The following WDR37 variants were observed in gnomAD, a reference collection of about 807,000 sequenced individuals.
WDR37 encodes WD repeat domain 37.
In WDR37, 19 loss-of-function variants were observed where a neutral mutation model predicts 62.9. The ratio of observed to expected loss-of-function variants is 0.30; its 90% confidence interval spans 0.21 to 0.44. The LOEUF (loss-of-function observed/expected upper bound fraction) is 0.44, where lower values mean the gene tolerates loss of function less well. Ranked by LOEUF, WDR37 falls within the 20% of genes least tolerant of loss-of-function variation. WDR37 has a pLI of 1.00. For missense variants in WDR37, 474 were observed against 657.6 expected (o/e 0.72, Z 3.05); for synonymous variants, 250 against 260.9 (o/e 0.96, Z 0.40).
intron 11 of WDR37, among the ~76,000 whole-genome samples, chr10:1,118,364 C>T (rs1835468782): frequency 6.7e-6 from 1 of 148,558 alleles, no homozygotes; most frequent in African/African-American, 2.5e-5. Context: ...TCCCTGCACA[C>T]ATCTGAGCCA....
intron 2 of WDR37, among the ~76,000 whole-genome samples, chr10:1,075,837 G>A (rs556736926): frequency 4.6e-5 from 7 of 150,646 alleles, no homozygotes; most frequent in Non-Finnish European, 4.4e-5. Flanking sequence ...GCTAGAGTGC[G>A]GTACTGATCT....
Position 1,121,055 on chromosome 10 carries a change from G to A in WDR37, c.1104-3163G>A, listed in dbSNP as rs1197699372. 1.3e-5 allele frequency among the ~76,000 whole-genome samples: 2 copies of A among 152,236 alleles called. No individual in the cohort carries two copies. Among genetic ancestry groups the A allele is most frequent in the Non-Finnish European group, 2.9e-5 (2 of 68,030 alleles). On this transcript the variant is annotated intron_variant, in intron 11 of 13. Transcript: ENST00000263150. This position sits in a 1 kb window ranked among gnomAD's most constrained non-coding sequence, Gnocchi z 4.5. ...AATGAGTTTGCCGGAGTTTGGCAGC[G>A]TCGGAACCATTTCCAGTGCACGGCC...
chr10:1,059,851 A>G (rs1371763456), intron 1 of WDR37, among the ~76,000 whole-genome samples: 1 of 152,078 alleles, frequency 6.6e-6, no homozygotes, highest in Non-Finnish European at 1.5e-5. Context: ...CTAAGTGTTC[A>G]TTGATGCTGT....
chr10:1,089,626 T>G (rs1834315477), intron 7 of WDR37, among the ~76,000 whole-genome samples: 1 of 151,732 alleles, frequency 6.6e-6, no homozygotes, highest in African/African-American at 2.4e-5. Context: ...AACCTTCCCA[T>G]GCTCACCCAC....
At chr10:1,057,199 G>A (rs1196261213) in intron 1 of WDR37, among the ~76,000 whole-genome samples, 1 of 152,032 alleles carries the variant, frequency 6.6e-6, no homozygotes, top group African/African-American at 2.4e-5. Flanking sequence ...AGGGTTCAGG[G>A]TGCAAGAGAA....
chr10:1,059,228 C>T (rs1471947128), intron 1 of WDR37, among the ~76,000 whole-genome samples: 1 of 151,988 alleles, frequency 6.6e-6, no homozygotes, highest in Non-Finnish European at 1.5e-5. Context: ...ATACAAAAAT[C>T]AGCTGGGCAT....
At chr10:1,057,118 G>A (rs10047269) in intron 1 of WDR37, 150 bp downstream of exon 1, 16,548 of 155,998 alleles carry the variant, frequency 0.11, 1,081 homozygotes, top group African/African-American at 0.19. Context: ...AATGCAGAGG[G>A]TCCGTGGTGG....
Position 1,072,232 on chromosome 10 carries a change from G to A in WDR37, c.77G>A (p.Arg26Gln). The A allele has an allele frequency of 1.9e-6, 3 of 1,614,152 alleles. No individual in the cohort carries two copies. Among genetic ancestry groups the A allele is most frequent in the Non-Finnish European group, 2.5e-6 (3 of 1,180,022 alleles). Residue 26 changes from arginine to glutamine, a missense_variant, in exon 2 of 14, where the codon CGA becomes CAA. Coordinates refer to ENST00000263150, the MANE Select transcript of WDR37 (RefSeq NM_014023.4). ...CGCAAATCCCATAGCCTTTCTATAC[G>A]AAGAACTAACAGCTCGGAGCAGGAG... ...QKRKSHSLSIRRTNSSEQERT... is the reference protein window; with the variant it reads ...QKRKSHSLSIQRTNSSEQERT...
At chr10:1,063,768 A>G (rs1833447829) in intron 1 of WDR37, among the ~76,000 whole-genome samples, 1 of 152,118 alleles carries the variant, frequency 6.6e-6, no homozygotes, top group South Asian at 2.1e-4. Flanking sequence ...TGGTGGTGGG[A>G]GTGGAAGTTC....
chr10:1,109,864 G>A (rs75974852), intron 11 of WDR37, among the ~76,000 whole-genome samples: 175 of 152,330 alleles, frequency 1.1e-3, no homozygotes, highest in Non-Finnish European at 2.1e-3. Context: ...TATGAATACA[G>A]TTTCCTAGGG....
At chr10:1,069,396 T>A (rs1394121744) in intron 1 of WDR37, among the ~76,000 whole-genome samples, 3,148 of 119,286 alleles carry the variant, frequency 0.026, 85 homozygotes, top group Non-Finnish European at 0.032. Context: ...TATATTTTTT[T>A]TTTTTTTTTT....
At chr10:1,113,134 A>C (rs958026511) in intron 11 of WDR37, among the ~76,000 whole-genome samples, 1 of 152,206 alleles carries the variant, frequency 6.6e-6, no homozygotes, top group Non-Finnish European at 1.5e-5. Flanking sequence ...AGTTGAAGCC[A>C]GTGCTCATTT....
chr10:1,129,242 A>T lies in WDR37; in HGVS notation c.1383A>T (p.Ala461=), dbSNP rs145677528. 2 of 1,614,170 alleles carry T rather than the reference A, an allele frequency of 1.2e-6. No homozygotes were observed. The highest frequency in any genetic ancestry group is 4.5e-5 in the East Asian group (2 of 44,888). ...QGHRRMVCCS[A]WSEDHPVCNL... is the part of the protein sequence containing the mutation. The stretch of plus-strand genomic sequence containing the variant: ...ACAGGAGAATGGTATGCTGCTCGGC[A>T]TGGAGTGAAGACCACCCCGTGTGCA... The change falls in exon 14 of 14, where the codon GCA becomes GCT. Residue 461 remains alanine (A), a synonymous_variant. Transcript: ENST00000263150.
intron 8 of WDR37, 55 bp downstream of exon 8, chr10:1,093,551 A>G (rs776169772): frequency 1.2e-4 from 171 of 1,379,112 alleles, no homozygotes; most frequent in Admixed American, 4.0e-4. Context: ...TAAAACAACT[A>G]TAAATATTCC....
Position 1,131,683 on chromosome 10 carries a change from G to GGTGTGTGTGTGTGT in WDR37, c.*2355_*2368dup, listed in dbSNP as rs58548853. On this transcript the variant is annotated 3_prime_UTR_variant, in exon 14 of 14. Transcript: ENST00000263150. ...AGGAGTCACAGACAAGATCGGGGATGGTGTGTGTGTGTGTGTGTGTGTGTG... is the reference window on the plus strand; with the variant it reads ...AGGAGTCACAGACAAGATCGGGGATGGTGTGTGTGTGTGTGTGTGTGTGTGTGTGTGTGTGTGTG... 3.8e-4 allele frequency: 51 copies of GGTGTGTGTGTGTGT among 133,866 alleles called. No individual in the cohort carries two copies. The highest frequency in any genetic ancestry group is 1.3e-3 in the African/African-American group (51 of 40,018). The allele number at this position is 133,866 out of a possible 1,614,324, so 8.3% of individuals were successfully genotyped here.
At chr10:1,089,130 G>C (rs1834298227) in intron 7 of WDR37, among the ~76,000 whole-genome samples, 4 of 152,024 alleles carry the variant, frequency 2.6e-5, no homozygotes, top group Admixed American at 2.6e-4. Flanking sequence ...TCATCTGCCA[G>C]TCCTCTCCGT....
chr10:1,130,862 T>A lies in WDR37; in HGVS notation c.*1518T>A, dbSNP rs1835934868. 6.8e-6 allele frequency: 1 copy of A among 148,000 alleles called. No homozygotes were observed. The highest frequency in any genetic ancestry group is 1.5e-5 in the Non-Finnish European group (1 of 67,638). 9.2% of individuals were successfully genotyped at this position (148,000 alleles called of 1,614,324 possible). A position where few individuals can be genotyped will look rare whatever the true frequency, so the allele number is the denominator to read the frequency against. ...CCTCCCTACTTGGGTCTTCAGGAGC[T>A]GGTCCAAGGAGCTTCGAATCTAAGT... On this transcript the variant is annotated 3_prime_UTR_variant, in exon 14 of 14. Transcript: ENST00000263150.
intron 11 of WDR37, among the ~76,000 whole-genome samples, chr10:1,107,056 C>G (rs562083764): frequency 6.6e-6 from 1 of 152,184 alleles, no homozygotes; most frequent in Middle Eastern, 3.2e-3. Context: ...AGTGGCTGAA[C>G]GCAGCACTGT....
At chr10:1,126,402 T>TCCAC (rs1835776646) in intron 13 of WDR37, among the ~76,000 whole-genome samples, 1 of 127,722 alleles carries the variant, frequency 7.8e-6, no homozygotes, top group Non-Finnish European at 1.6e-5. Context: ...CGAGACTGTG[T>TCCAC]CTCAGAAAAA....
Sources: allele counts gnomAD v4.1 joint callset (sites outside exome capture counted in the v4.1 genomes callset), GRCh38; gene constraint gnomAD v4.1.1; non-coding constraint Gnocchi (gnomAD v3.1); transcripts MANE v1.5; gene names NCBI Gene and HGNC (gene_info 2026-07-23, HGNC 2026-07-21).